INPP4B: variants seen among roughly 807,000 people sequenced by gnomAD.
The protein encoded by INPP4B is inositol polyphosphate 4-phosphatase type II.
INPP4B carries 55 observed loss-of-function variants against 122.5 expected under a neutral mutation model. That is an observed-to-expected ratio of 0.45 (90% confidence interval 0.36 to 0.56). INPP4B has a LOEUF of 0.56. Ranked by LOEUF, INPP4B falls within the 20% of genes least tolerant of loss-of-function variation. The pLI, the probability that INPP4B is intolerant of heterozygous loss-of-function variation, is 0.00. For synonymous variants in INPP4B, 403 were observed against 388.7 expected (o/e 1.04, Z -0.43); for missense variants, 1,000 against 1,097.7 (o/e 0.91, Z 1.26).
Position 142,252,440 on chromosome 4 carries a change from G to A in INPP4B, c.688+8052C>T, listed in dbSNP as rs369489225. On this transcript the variant is annotated intron_variant, in intron 11 of 25. Transcript: ENST00000262992. ...CCTGACCTCGTGATCCGCCCGCCTC[G>A]GCCTCCCAAAGTGCTGGGATTACAG... 6.6e-4 allele frequency among the ~76,000 whole-genome samples: 101 copies of A among 151,922 alleles called. 1 individual carries two copies. The highest frequency in any genetic ancestry group is 2.1e-3 in the African/African-American group (86 of 41,462).
chr4:142,758,301 G>A (rs916839473), intron 1 of INPP4B, among the ~76,000 whole-genome samples: 8 of 152,108 alleles, frequency 5.3e-5, no homozygotes, highest in African/African-American at 1.9e-4. Flanking sequence ...TTTGACATGT[G>A]AAGAGTTGCT....
intron 2 of INPP4B, among the ~76,000 whole-genome samples, chr4:142,673,121 C>T (rs1757236710): frequency 6.6e-6 from 1 of 152,130 alleles, no homozygotes; most frequent in African/African-American, 2.4e-5. Context: ...ACCACACTCA[C>T]TGAATTACTC....
At chr4:142,244,184 A>G (rs1220128482) in intron 11 of INPP4B, among the ~76,000 whole-genome samples, 1 of 147,434 alleles carries the variant, frequency 6.8e-6, no homozygotes, top group African/African-American at 2.5e-5. Context: ...TCCCTGTGTT[A>G]GTTTGCTGAG....
chr4:142,681,585 T>C (rs1045307831), intron 2 of INPP4B, among the ~76,000 whole-genome samples: 11 of 151,472 alleles, frequency 7.3e-5, no homozygotes, highest in Admixed American at 6.6e-4. Flanking sequence ...GAGAGCATGA[T>C]AGAAGAGGAA....
intron 2 of INPP4B, among the ~76,000 whole-genome samples, chr4:142,508,570 G>A (rs1037102115): frequency 5.3e-5 from 8 of 152,204 alleles, no homozygotes; most frequent in Admixed American, 2.0e-4. Flanking sequence ...CACTGCGCCC[G>A]GCTTACAATA....
At chr4:142,082,232 G>T (rs376196579) in intron 24 of INPP4B, 47 bp from the exon 25 acceptor site, 8 of 1,438,124 alleles carry the variant, frequency 5.6e-6, no homozygotes, top group Middle Eastern at 4.7e-4. Flanking sequence ...TTGTAATACC[G>T]TAAAGTGTCG....
At chr4:142,071,660 T>A (rs1228519035) in intron 25 of INPP4B, among the ~76,000 whole-genome samples, 1 of 151,800 alleles carries the variant, frequency 6.6e-6, no homozygotes, top group Non-Finnish European at 1.5e-5. Flanking sequence ...AACAACCCCA[T>A]CAAAAAGTGG....
chr4:142,374,920 C>A (rs1791272952), intron 7 of INPP4B, among the ~76,000 whole-genome samples: 1 of 151,846 alleles, frequency 6.6e-6, no homozygotes. Flanking sequence ...AAAGCAGTGA[C>A]TTCTAGTAAA....
intron 5 of INPP4B, among the ~76,000 whole-genome samples, chr4:142,422,762 T>C (rs1185490588): frequency 6.6e-6 from 1 of 152,114 alleles, no homozygotes; most frequent in Non-Finnish European, 1.5e-5. Context: ...TGCAGTGAGC[T>C]ATGATTATGC....
chr4:142,498,151 G>A (rs1560725467), intron 2 of INPP4B, among the ~76,000 whole-genome samples: 2 of 148,392 alleles, frequency 1.3e-5, no homozygotes, highest in East Asian at 2.0e-4. Context: ...ACATACATAT[G>A]TGTATACATA....
intron 18 of INPP4B, among the ~76,000 whole-genome samples, chr4:142,131,611 G>A (rs75342376): frequency 0.02 from 3,024 of 152,300 alleles, 106 homozygotes; most frequent in African/African-American, 0.069. Flanking sequence ...AAGCAGTCAA[G>A]TAACCAAACA....
At chr4:142,619,830 G>A (rs1416936046) in intron 2 of INPP4B, among the ~76,000 whole-genome samples, 1 of 151,924 alleles carries the variant, frequency 6.6e-6, no homozygotes, top group Non-Finnish European at 1.5e-5. Flanking sequence ...TATCTCAGGA[G>A]TGGATAAGAA....
At chr4:142,381,262 T>G (rs1793992777) in intron 7 of INPP4B, among the ~76,000 whole-genome samples, 1 of 152,164 alleles carries the variant, frequency 6.6e-6, no homozygotes, top group Non-Finnish European at 1.5e-5. Context: ...AGCAATGGTT[T>G]TTAAAATTCT....
chr4:142,042,712 G>A lies in INPP4B; in HGVS notation c.2643-13798C>T, dbSNP rs188849262. ...TGAGTAGCTGGAATTACAGGCACGC[G>A]CCCTCATGACTGGCTAATTTTTATA... is the stretch of plus-strand genomic sequence containing the variant. On this transcript the variant is annotated intron_variant, in intron 25 of 25. Coordinates refer to ENST00000262992, the MANE Select transcript of INPP4B (RefSeq NM_001101669.3). Among the ~76,000 whole-genome samples, 366 of 152,112 alleles carry A rather than the reference G, an allele frequency of 2.4e-3. 4 individuals carry two copies. Among genetic ancestry groups the A allele is most frequent in the East Asian group, 9.7e-4 (5 of 5,178 alleles).
intron 1 of INPP4B, among the ~76,000 whole-genome samples, chr4:142,804,787 G>A (rs574903103): frequency 5.9e-5 from 9 of 152,132 alleles, no homozygotes; most frequent in East Asian, 1.9e-4. Flanking sequence ...CCACCTCAGC[G>A]TCCCAAGCAG....
chr4:142,785,249 A>G (rs573593125), intron 1 of INPP4B, among the ~76,000 whole-genome samples: 5 of 152,286 alleles, frequency 3.3e-5, no homozygotes, highest in African/African-American at 1.2e-4. Flanking sequence ...CCCTAAATTT[A>G]CTATTATCCA....
At chr4:142,838,321 A>G (rs1363264047) in intron 1 of INPP4B, among the ~76,000 whole-genome samples, 4 of 151,370 alleles carry the variant, frequency 2.6e-5, no homozygotes, top group Non-Finnish European at 5.9e-5. Context: ...TTTTTTTTTC[A>G]ATGGAGACTT....
At chr4:142,471,261 C>G (rs868128075) in intron 2 of INPP4B, among the ~76,000 whole-genome samples, 3 of 152,114 alleles carry the variant, frequency 2.0e-5, no homozygotes, top group African/African-American at 7.2e-5. Flanking sequence ...ACCTATCTCA[C>G]AGTAAGTGTT....
intron 1 of INPP4B, among the ~76,000 whole-genome samples, chr4:142,764,769 C>T (rs779379126): frequency 4.6e-5 from 7 of 151,922 alleles, no homozygotes; most frequent in Non-Finnish European, 8.8e-5. Context: ...ACAAGAGACC[C>T]TTAACAGGAG....
Sources: allele counts gnomAD v4.1 joint callset (sites outside exome capture counted in the v4.1 genomes callset), GRCh38; gene constraint gnomAD v4.1.1; transcripts MANE v1.5; gene names NCBI Gene and HGNC (gene_info 2026-07-23, HGNC 2026-07-21).